The following PDE11A variants were observed in gnomAD, a reference collection of about 807,000 sequenced individuals.
PDE11A encodes dual 3',5'-cyclic-AMP and -GMP phosphodiesterase 11A.
PDE11A carries 100 observed loss-of-function variants against 100.5 expected under a neutral mutation model. The ratio of observed to expected loss-of-function variants is 1.00; its 90% CI spans 0.85 to 1.18. The LOEUF (loss-of-function observed/expected upper bound fraction) is 1.18, where lower values mean the gene tolerates loss of function less well. Ranked by LOEUF, PDE11A falls within the 50% of genes most tolerant of loss-of-function variation. PDE11A has a pLI of 0.00. For missense variants in PDE11A, 1,141 were observed against 1,152.6 expected (o/e 0.99, Z 0.15); for synonymous variants, 381 against 420.8 (o/e 0.91, Z 1.16).
chr2:177,822,742 G>A (rs937090679), intron 6 of PDE11A, among the ~76,000 whole-genome samples: 2 of 151,820 alleles, frequency 1.3e-5, no homozygotes, highest in Non-Finnish European at 2.9e-5. Flanking sequence ...TTTATTTAAG[G>A]CTCTTAAAAT....
intron 13 of PDE11A, among the ~76,000 whole-genome samples, chr2:177,705,210 T>TA (rs1343459036): frequency 7.8e-6 from 1 of 128,772 alleles, no homozygotes; most frequent in African/African-American, 2.9e-5. Context: ...GGTATGCTTC[T>TA]ACTTTCTCAC....
chr2:177,736,960 G>T (rs1056812651), intron 10 of PDE11A, among the ~76,000 whole-genome samples: 1 of 152,216 alleles, frequency 6.6e-6, no homozygotes, highest in African/African-American at 2.4e-5. Flanking sequence ...CAAGAAAGAG[G>T]CTGGGTGCGG....
chr2:177,844,807 T>C (rs1010688082), intron 5 of PDE11A, among the ~76,000 whole-genome samples: 2 of 151,584 alleles, frequency 1.3e-5, no homozygotes, highest in African/African-American at 2.4e-5. Context: ...TTAATCCATT[T>C]AACCCTGAGT....
At chr2:177,843,449 G>T (rs954312019) in intron 5 of PDE11A, among the ~76,000 whole-genome samples, 1 of 152,140 alleles carries the variant, frequency 6.6e-6, no homozygotes, top group African/African-American at 2.4e-5. Context: ...TTAGTCACAG[G>T]AACAGGGAGG....
chr2:177,701,235 G>A (rs1327661016), intron 13 of PDE11A, 24 bp from the exon 14 acceptor site: 11 of 1,148,828 alleles, frequency 9.6e-6, no homozygotes, highest in Non-Finnish European at 1.5e-5. Context: ...GAGGGTGAGT[G>A]AGCAGGGCCT....
intron 19 of PDE11A, among the ~76,000 whole-genome samples, chr2:177,631,784 G>C (rs2079954294): frequency 6.6e-6 from 1 of 151,394 alleles, no homozygotes; most frequent in South Asian, 2.1e-4. Flanking sequence ...GGGTCTGAAA[G>C]AAGTATAAAA....
chr2:177,638,194 T>A (rs2080080590), intron 19 of PDE11A, among the ~76,000 whole-genome samples: 1 of 151,578 alleles, frequency 6.6e-6, no homozygotes, highest in Non-Finnish European at 1.5e-5. Context: ...AGAGACAGGG[T>A]TTCACCGTGT....
intron 4 of PDE11A, chr2:177,888,777 G>T: frequency 3.2e-6 from 1 of 308,012 alleles, no homozygotes; most frequent in Non-Finnish European, 4.7e-6. Context: ...CACAGAAAAG[G>T]GATATATTTC....
At chr2:177,862,105 T>A (rs1574227437) in intron 5 of PDE11A, among the ~76,000 whole-genome samples, 1 of 151,664 alleles carries the variant, frequency 6.6e-6, no homozygotes, top group Non-Finnish European at 1.5e-5. Flanking sequence ...ATAGACACCA[T>A]CAAGAAAGTG....
At chr2:177,821,692 G>A (rs2083143935) in intron 6 of PDE11A, among the ~76,000 whole-genome samples, 1 of 151,844 alleles carries the variant, frequency 6.6e-6, no homozygotes, top group African/African-American at 2.4e-5. Flanking sequence ...ATATCTCCTT[G>A]TGAAAGTAAT....
At position 178,105,847 on chromosome 2, in the gene PDE11A, C is replaced by T. The variant is rs1001366680; in HGVS notation, c.-13-1371G>A. The T allele has an allele frequency of 2.6e-4, 88 of 339,224 alleles. 1 individual carries two copies. The highest frequency in any genetic ancestry group is 2.6e-3 in the Admixed American group (30 of 11,664). 21.0% of individuals were successfully genotyped at this position (339,224 alleles called of 1,614,324 possible). A position where few individuals can be genotyped will look rare whatever the true frequency, so the allele number is the denominator to read the frequency against. On this transcript the variant is annotated intron_variant, in intron 1 of 20. Transcript: ENST00000358450. Reference sequence around the variant, plus strand: ...GCCAGATTTCTGCAATAAACACTTGCGGTTTCTGTCCAAAAAAAAAAAAGT... The same window carrying T: ...GCCAGATTTCTGCAATAAACACTTGTGGTTTCTGTCCAAAAAAAAAAAAGT...
At chr2:177,936,918 A>G (rs983337260) in intron 2 of PDE11A, among the ~76,000 whole-genome samples, 1 of 145,688 alleles carries the variant, frequency 6.9e-6, no homozygotes, top group Non-Finnish European at 1.6e-5. Flanking sequence ...GAAGGATTCC[A>G]TCTTAAAAAA....
chr2:178,003,652 T>G (rs1165806739), intron 2 of PDE11A, among the ~76,000 whole-genome samples: 1 of 152,096 alleles, frequency 6.6e-6, no homozygotes, highest in Non-Finnish European at 1.5e-5. Flanking sequence ...AAATTGAGTG[T>G]GGTGATGGTT....
chr2:177,635,732 T>G (rs1215113702), intron 19 of PDE11A, among the ~76,000 whole-genome samples: 1 of 152,132 alleles, frequency 6.6e-6, no homozygotes, highest in Non-Finnish European at 1.5e-5. Context: ...ATTTTCTGAA[T>G]GTGTAAGAAC....
At chr2:177,856,406 G>A (rs2083833858) in intron 5 of PDE11A, among the ~76,000 whole-genome samples, 3 of 151,900 alleles carry the variant, frequency 2.0e-5, no homozygotes, top group Non-Finnish European at 4.4e-5. Context: ...ATACAGTAAA[G>A]GATACTCCAT....
At chr2:177,671,346 T>C (rs940141412) in intron 17 of PDE11A, among the ~76,000 whole-genome samples, 1 of 152,166 alleles carries the variant, frequency 6.6e-6, no homozygotes, top group Non-Finnish European at 1.5e-5. Context: ...TGGTTACTGA[T>C]TGAATTTTTT....
intron 6 of PDE11A, among the ~76,000 whole-genome samples, chr2:177,826,515 TAGAG>T (rs1355279462): frequency 3.3e-5 from 5 of 152,190 alleles, no homozygotes; most frequent in East Asian, 1.9e-4. Flanking sequence ...CATGAAATAA[TAGAG>T]AGAGAACTGA....
At chr2:177,876,593 G>A (rs79079524) in intron 4 of PDE11A, among the ~76,000 whole-genome samples, 1,866 of 148,310 alleles carry the variant, frequency 0.013, 257 homozygotes, top group African/African-American at 0.046. Flanking sequence ...TGTAAACCAG[G>A]CCCTACAGCA....
intron 19 of PDE11A, among the ~76,000 whole-genome samples, chr2:177,650,342 C>G (rs903071871): frequency 6.6e-6 from 1 of 152,222 alleles, no homozygotes; most frequent in Non-Finnish European, 1.5e-5. Context: ...TCCCATCCAT[C>G]ATCATTTCTA....
Sources: gnomAD v4.1 joint callset for allele counts (sites outside exome capture counted in the v4.1 genomes callset) on GRCh38, gnomAD v4.1.1 for gene constraint, MANE v1.5 for transcripts, NCBI Gene and HGNC (gene_info 2026-07-23, HGNC 2026-07-21) for gene names.